C8orf34: variants seen among roughly 807,000 people sequenced by gnomAD.
C8orf34 encodes uncharacterized protein C8orf34.
A neutral mutation model predicts 68.3 loss-of-function variants in C8orf34; 65 were observed. The observed-to-expected ratio is 0.95, with a 90% CI of 0.78 to 1.17. The LOEUF (loss-of-function observed/expected upper bound fraction) is 1.17. C8orf34 is among the 50% of genes most tolerant of loss of function. The pLI is 0.00. For missense variants in C8orf34, 664 were observed against 655.4 expected (o/e 1.01, Z -0.14); for synonymous variants, 244 against 241.2 (o/e 1.01, Z -0.11).
chr8:68,659,038 T>C (rs1185393522), intron 8 of C8orf34, among the ~76,000 whole-genome samples: 3 of 152,090 alleles, frequency 2.0e-5, no homozygotes, highest in Admixed American at 2.0e-4. Flanking sequence ...AGGGAGATAT[T>C]TCCCTCGATT....
chr8:68,504,507 T>C (rs893054617), intron 5 of C8orf34, among the ~76,000 whole-genome samples: 4 of 151,978 alleles, frequency 2.6e-5, no homozygotes, highest in African/African-American at 4.8e-5. Context: ...AACTGCCAAA[T>C]TGATTTTCTT....
At chr8:68,398,431 G>A (rs778370307) in intron 1 of C8orf34, among the ~76,000 whole-genome samples, 5 of 152,090 alleles carry the variant, frequency 3.3e-5, no homozygotes, top group Non-Finnish European at 7.4e-5. Context: ...TAATGAAACA[G>A]TTATCAGGGA....
chr8:68,330,809 G>A (rs1470527299), upstream of C8orf34: 8 of 478,834 alleles, frequency 1.7e-5, no homozygotes, highest in South Asian at 7.0e-5. Flanking sequence ...ACACACACAC[G>A]CACGCACGCA....
intron 5 of C8orf34, among the ~76,000 whole-genome samples, chr8:68,509,100 A>G (rs917500477): frequency 1.3e-5 from 2 of 152,136 alleles, no homozygotes; most frequent in African/African-American, 4.8e-5. Flanking sequence ...AAAGAAGTAC[A>G]TCTAACTGCT....
intron 10 of C8orf34, among the ~76,000 whole-genome samples, chr8:68,749,046 A>T (rs1008900233): frequency 1.1e-4 from 17 of 152,240 alleles, no homozygotes; most frequent in African/African-American, 3.6e-4. Context: ...ACCATGGAAT[A>T]CTATGCAGCC....
intron 7 of C8orf34, chr8:68,534,080 T>C: frequency 2.0e-6 from 2 of 984,094 alleles, no homozygotes; most frequent in Non-Finnish European, 2.4e-6. Flanking sequence ...TTCCTTGGTT[T>C]TAAGTGTTTA....
chr8:68,561,944 T>C (rs1816444270), intron 7 of C8orf34, among the ~76,000 whole-genome samples: 1 of 152,198 alleles, frequency 6.6e-6, no homozygotes, highest in South Asian at 2.1e-4. Context: ...TGCCTTCTTT[T>C]GGAATAAATC....
intron 8 of C8orf34, among the ~76,000 whole-genome samples, chr8:68,657,339 G>A (rs977537599): frequency 6.6e-6 from 1 of 152,110 alleles, no homozygotes; most frequent in African/African-American, 2.4e-5. Context: ...TCATAAGGGT[G>A]GAGCTCTCAT....
chr8:68,760,834 T>C (rs1232570796), intron 10 of C8orf34, among the ~76,000 whole-genome samples: 1 of 152,178 alleles, frequency 6.6e-6, no homozygotes, highest in African/African-American at 2.4e-5. Context: ...AGGAGTCCAG[T>C]GTGTGAGTTT....
chr8:68,559,960 G>A (rs1816371905), intron 7 of C8orf34, among the ~76,000 whole-genome samples: 1 of 152,184 alleles, frequency 6.6e-6, no homozygotes, highest in Non-Finnish European at 1.5e-5. Context: ...TTCAGATGGG[G>A]ACAACAGAGA....
In C8orf34 at chr8:68,640,430, G is replaced by A. The variant is rs1461696168; in HGVS notation, c.1160G>A (p.Ser387Asn). The A allele has an allele frequency of 1.2e-6, 2 of 1,613,846 alleles. No individual in the cohort carries two copies. Among genetic ancestry groups the A allele is most frequent in the South Asian group, 2.2e-5 (2 of 91,074 alleles). Residue 387 changes from serine to asparagine, a missense_variant, in exon 8 of 14, where the codon AGC (serine) becomes AAC (asparagine). By Grantham distance (46) the Ser-to-Asn change is conservative. Coordinates refer to ENST00000518698, the MANE Select transcript of C8orf34 (RefSeq NM_052958.4). ...EGVTTLVPSGSKFNQGRPTYP... is the reference protein window; with the variant it reads ...EGVTTLVPSGNKFNQGRPTYP... ...GTAACAACCCTGGTACCTTCTGGGAGCAAATTTAACCAAGGCCGTCCTACT... is the reference window on the plus strand; with the variant it reads ...GTAACAACCCTGGTACCTTCTGGGAACAAATTTAACCAAGGCCGTCCTACT...
chr8:68,349,598 C>G (rs1028602815), intron 1 of C8orf34, among the ~76,000 whole-genome samples: 3 of 151,846 alleles, frequency 2.0e-5, no homozygotes, highest in African/African-American at 4.8e-5. Flanking sequence ...GTGTTTCTAT[C>G]AGGGTCCAGG....
intron 2 of C8orf34, among the ~76,000 whole-genome samples, chr8:68,446,104 A>G (rs747783914): frequency 8.5e-5 from 13 of 152,180 alleles, no homozygotes; most frequent in Non-Finnish European, 1.6e-4. Flanking sequence ...ATAGTTTTAT[A>G]TGATATAATC....
chr8:68,340,869 A>G (rs1230919695), intron 1 of C8orf34, among the ~76,000 whole-genome samples: 4 of 152,258 alleles, frequency 2.6e-5, no homozygotes, highest in Non-Finnish European at 5.9e-5. Flanking sequence ...GATAAAATTC[A>G]TTACATTATG....
In C8orf34 at chr8:68,644,688, C is replaced by T. The variant is rs541132405; in HGVS notation, c.1241+4177C>T. ...GGATCCAGTGCCAAGAAGATACAGA[C>T]AGCATTCTAATGTCTCTGAGGGCCA... On this transcript the variant is annotated intron_variant, in intron 8 of 13. Transcript: ENST00000518698. Among the ~76,000 whole-genome samples, 4 of 152,270 alleles carry T rather than the reference C, an allele frequency of 2.6e-5. No homozygotes were observed. The South Asian group carries it at 6.2e-4, about 24-fold the overall frequency.
intron 11 of C8orf34, among the ~76,000 whole-genome samples, chr8:68,780,173 G>A (rs2953945): frequency 0.47 from 71,315 of 152,054 alleles, 19,446 homozygotes; most frequent in African/African-American, 0.76. Flanking sequence ...ATATGGACAA[G>A]AGGCATTTGC....
intron 7 of C8orf34, among the ~76,000 whole-genome samples, chr8:68,581,877 G>C (rs1817076034): frequency 6.6e-6 from 1 of 152,090 alleles, no homozygotes; most frequent in African/African-American, 2.4e-5. Flanking sequence ...CAGAATTCTA[G>C]ATGCAAGAGA....
intron 1 of C8orf34, among the ~76,000 whole-genome samples, chr8:68,371,741 A>C (rs1363752415): frequency 3.3e-5 from 5 of 151,872 alleles, no homozygotes; most frequent in Non-Finnish European, 5.9e-5. Context: ...CTGGGATTAC[A>C]GGCATGCACC....
chr8:68,466,047 A>AG (rs140837590), intron 3 of C8orf34, among the ~76,000 whole-genome samples: 22 of 151,650 alleles, frequency 1.5e-4, no homozygotes, highest in African/African-American at 4.8e-4. Flanking sequence ...ATTTAAAAAA[A>AG]AAAACAATGA....
Sources: allele counts gnomAD v4.1 joint callset (sites outside exome capture counted in the v4.1 genomes callset), GRCh38; gene constraint gnomAD v4.1.1; transcripts MANE v1.5; gene names NCBI Gene and HGNC (gene_info 2026-07-23, HGNC 2026-07-21).